NEXN: variants seen among roughly 807,000 people sequenced by gnomAD.
The protein encoded by NEXN is nexilin F-actin binding protein.
A neutral mutation model predicts 92.6 loss-of-function variants in NEXN; 65 were observed. The ratio of observed to expected loss-of-function variants is 0.70; its 90% confidence interval spans 0.57 to 0.86. NEXN has a LOEUF of 0.86. Ranked by LOEUF, NEXN falls within the 40% of genes least tolerant of loss-of-function variation. NEXN has a pLI of 0.00. For missense variants in NEXN, 778 were observed against 771.1 expected (o/e 1.01, Z -0.11); for synonymous variants, 254 against 242.5 (o/e 1.05, Z -0.44).
intron 1 of NEXN, among the ~76,000 whole-genome samples, chr1:77,907,608 GA>G (rs1648212182): frequency 1.3e-5 from 2 of 152,110 alleles, no homozygotes; most frequent in Non-Finnish European, 2.9e-5. Flanking sequence ...TGAGAGCTCA[GA>G]ATACTAAAAT....
chr1:77,922,874 C>T lies in NEXN; in HGVS notation c.448-2314C>T, dbSNP rs945431037. On this transcript the variant is annotated intron_variant, in intron 5 of 12. Coordinates refer to ENST00000334785, the MANE Select transcript of NEXN (RefSeq NM_144573.4). ...CCTCCCAAAGTGCTGGGATTACAGGCGTGAGCCACAGCGCCTGGCCACAAA... is the reference window on the plus strand; with the variant it reads ...CCTCCCAAAGTGCTGGGATTACAGGTGTGAGCCACAGCGCCTGGCCACAAA... Among the ~76,000 whole-genome samples the T allele has an allele frequency of 4.6e-5, 7 of 152,092 alleles. No homozygotes were observed. The South Asian group carries it at 8.3e-4, about 18-fold the overall frequency.
intron 11 of NEXN, among the ~76,000 whole-genome samples, chr1:77,938,984 T>C (rs1310521772): frequency 6.6e-6 from 1 of 152,212 alleles, no homozygotes; most frequent in Non-Finnish European, 1.5e-5. Flanking sequence ...ACAATGTTAA[T>C]AACTTTTTAG....
Position 77,929,447 on chromosome 1 carries a change from A to G in NEXN, c.996A>G (p.Glu332=), listed in dbSNP as rs1170219794. 1.9e-6 allele frequency: 3 copies of G among 1,613,370 alleles called. No homozygotes were observed. Among genetic ancestry groups the G allele is most frequent in the South Asian group, 1.1e-5 (1 of 91,066 alleles). Residue 332 remains glutamate, a synonymous_variant, in exon 9 of 13, where the codon GAA becomes GAG. Coordinates refer to ENST00000334785, the MANE Select transcript of NEXN (RefSeq NM_144573.4). ...REDEKRKAEE[E]ARRRIEEEKK... is the part of the protein sequence containing the mutation. The stretch of plus-strand genomic sequence containing the variant: ...ATGAAAAAAGGAAAGCAGAAGAAGA[A>G]GCCAGAAGGAGAATAGAGGAAGAAA...
intron 2 of NEXN, among the ~76,000 whole-genome samples, chr1:77,916,841 C>A (rs968544091): frequency 6.6e-6 from 1 of 152,122 alleles, no homozygotes; most frequent in African/African-American, 2.4e-5. Flanking sequence ...AAAATCATTT[C>A]TTCAGTCTTC....
intron 1 of NEXN, among the ~76,000 whole-genome samples, chr1:77,896,197 T>TAAATAAA (rs1195580693): frequency 6.6e-6 from 1 of 151,688 alleles, no homozygotes; most frequent in South Asian, 2.1e-4. Flanking sequence ...AATAAATAAA[T>TAAATAAA]AAGTTGTCGG....
intron 11 of NEXN, among the ~76,000 whole-genome samples, chr1:77,939,577 A>G: frequency 6.6e-6 from 1 of 152,166 alleles, no homozygotes; most frequent in East Asian, 1.9e-4. Flanking sequence ...TACCTACAAA[A>G]TATGTAGGTA....
intron 8 of NEXN, among the ~76,000 whole-genome samples, chr1:77,928,727 G>T (rs2102131284): frequency 6.6e-6 from 1 of 151,814 alleles, no homozygotes; most frequent in East Asian, 1.9e-4. Flanking sequence ...CTACCAAAGA[G>T]ATTCTGTGTA....
intron 10 of NEXN, among the ~76,000 whole-genome samples, 181 bp downstream of exon 10, chr1:77,933,660 C>T (rs1341188215): frequency 6.6e-6 from 1 of 152,186 alleles, no homozygotes; most frequent in Non-Finnish European, 1.5e-5. Context: ...GCTTTAACTA[C>T]TCCTTCCTTG....
intron 1 of NEXN, among the ~76,000 whole-genome samples, chr1:77,905,473 T>C (rs1648045812): frequency 6.6e-6 from 1 of 151,954 alleles, no homozygotes; most frequent in African/African-American, 2.4e-5. Flanking sequence ...GGAGGATCAC[T>C]TGGGCCCAGA....
chr1:77,942,854 T>C lies in NEXN; in HGVS notation c.*25T>C. The C allele has an allele frequency of 6.3e-7, 1 of 1,575,480 alleles. No individual in the cohort carries two copies. Among genetic ancestry groups the C allele is most frequent in the Non-Finnish European group, 8.6e-7 (1 of 1,157,964 alleles). ...ATCACTCTTTTTATCTTTTATTCTA[T>C]TAATTTTTTTTTCCTTAAAATCACT... On this transcript the variant is annotated 3_prime_UTR_variant, in exon 13 of 13. Transcript: ENST00000334785.
chr1:77,942,316 T>C, intron 12 of NEXN, 108 bp downstream of exon 12: 1 of 1,372,036 alleles, frequency 7.3e-7, no homozygotes, highest in Non-Finnish European at 1.0e-6. Context: ...TTCAAGTCAC[T>C]GGAATGTACT....
chr1:77,926,811 C>T lies in NEXN; in HGVS notation c.783C>T (p.Asn261=). Residue 261 remains asparagine (N), a synonymous_variant, in exon 8 of 13, where the codon AAC becomes AAT. Transcript: ENST00000334785. ...AACTGGAGCGACAAAGACAAGAAAA[C>T]CGAAAGAAGCAAGCTGAAGAGGAAG... ...FEELERQRQE[N]RKKQAEEEAR... is the part of the protein sequence containing the mutation. 2 of 1,613,742 alleles carry T rather than the reference C, an allele frequency of 1.2e-6. No individual in the cohort carries two copies. The highest frequency in any genetic ancestry group is 1.7e-6 in the Non-Finnish European group (2 of 1,179,962).
intron 1 of NEXN, among the ~76,000 whole-genome samples, chr1:77,908,402 T>A (rs1648313789): frequency 1.4e-5 from 2 of 138,476 alleles, no homozygotes; most frequent in African/African-American, 5.3e-5. Flanking sequence ...CTATTTTTTT[T>A]TTTTTTTTTT....
intron 10 of NEXN, 70 bp downstream of exon 10, chr1:77,933,549 A>G (rs1330667071): frequency 2.1e-5 from 23 of 1,112,854 alleles, no homozygotes; most frequent in Non-Finnish European, 2.7e-6. Flanking sequence ...ATCACCTTAT[A>G]ATAACTTTGT....
Position 77,942,989 on chromosome 1 carries a change from CA to C in NEXN, c.*166del. ...ACATCCATCTTTTCTGTGGCGGGGC[CA>C]AAAAAGGAAACCAGGAGTGCCACTA... On this transcript the variant is annotated 3_prime_UTR_variant, in exon 13 of 13. Transcript: ENST00000334785. 12 of 1,000,954 alleles carry C rather than the reference CA, an allele frequency of 1.2e-5. No homozygotes were observed. Among genetic ancestry groups the C allele is most frequent in the East Asian group, 2.8e-5 (1 of 35,898 alleles). 62.0% of individuals were successfully genotyped at this position (1,000,954 alleles called of 1,614,324 possible). A position where few individuals can be genotyped will look rare whatever the true frequency, so the allele number is the denominator to read the frequency against.
At chr1:77,912,027 C>T (rs1053598735) in intron 1 of NEXN, among the ~76,000 whole-genome samples, 20 of 149,502 alleles carry the variant, frequency 1.3e-4, no homozygotes, top group African/African-American at 3.9e-4. Context: ...TGCAGTGAGC[C>T]GAGATTGCAC....
intron 10 of NEXN, among the ~76,000 whole-genome samples, chr1:77,934,719 C>G (rs1040992039): frequency 1.3e-5 from 2 of 152,196 alleles, no homozygotes; most frequent in Non-Finnish European, 2.9e-5. Flanking sequence ...TATTCGCCAT[C>G]AGCCTTGGCC....
intron 1 of NEXN, among the ~76,000 whole-genome samples, chr1:77,908,159 C>T (rs1007657474): frequency 6.6e-6 from 1 of 152,112 alleles, no homozygotes; most frequent in Non-Finnish European, 1.5e-5. Flanking sequence ...CTCACTGCAA[C>T]CTTGAACTCC....
At chr1:77,899,246 T>C (rs1647490112) in intron 1 of NEXN, among the ~76,000 whole-genome samples, 1 of 152,018 alleles carries the variant, frequency 6.6e-6, no homozygotes, top group African/African-American at 2.4e-5. Context: ...TAGCAAAGAC[T>C]TGGAACCAAC....
Sources: gnomAD v4.1 joint callset for allele counts (sites outside exome capture counted in the v4.1 genomes callset) on GRCh38, gnomAD v4.1.1 for gene constraint, MANE v1.5 for transcripts, NCBI Gene and HGNC (gene_info 2026-07-23, HGNC 2026-07-21) for gene names.